Variants in ARHGAP20 observed in about 807,000 individuals in gnomAD.
The protein encoded by ARHGAP20 is Rho GTPase activating protein 20.
ARHGAP20 carries 34 observed loss-of-function variants against 73.7 expected under a neutral mutation model. The observed-to-expected ratio is 0.46, with a 90% CI of 0.35 to 0.61. The LOEUF (loss-of-function observed/expected upper bound fraction) is 0.61. ARHGAP20 is among the 20% of genes least tolerant of loss of function. The probability of loss-of-function intolerance (pLI) is 0.00; values close to 1 mark genes in which losing one functional copy is unlikely to be tolerated. For missense variants in ARHGAP20, 1,314 were observed against 1,420.9 expected (o/e 0.92, Z 1.21); for synonymous variants, 523 against 518.2 (o/e 1.01, Z -0.13).
intron 2 of ARHGAP20, among the ~76,000 whole-genome samples, chr11:110,680,652 C>T (rs1950020383): frequency 6.6e-6 from 1 of 152,080 alleles, no homozygotes; most frequent in Non-Finnish European, 1.5e-5. Context: ...AATGGATGTG[C>T]TGTTCTGTAG....
chr11:110,702,667 T>C (rs1322077606), intron 1 of ARHGAP20, among the ~76,000 whole-genome samples: 1 of 152,182 alleles, frequency 6.6e-6, no homozygotes, highest in African/African-American at 2.4e-5. Flanking sequence ...CTCCTTAAGC[T>C]GATAAGCAAC....
chr11:110,648,197 ATATATATATGTAAATATATATATG>A (rs1215186561), intron 2 of ARHGAP20, among the ~76,000 whole-genome samples: 7 of 97,446 alleles, frequency 7.2e-5, no homozygotes, highest in African/African-American at 2.0e-4. Context: ...ATGTAAATAT[ATATATATATGTAAATATATATATG>A]TATATATATA....
At chr11:110,641,864 C>G (rs1949084647) in intron 2 of ARHGAP20, among the ~76,000 whole-genome samples, 1 of 152,034 alleles carries the variant, frequency 6.6e-6, no homozygotes, top group South Asian at 2.1e-4. Context: ...TCTTCATTAT[C>G]CACTAAGTAA....
At chr11:110,711,123 G>T (rs747458121) in intron 1 of ARHGAP20, among the ~76,000 whole-genome samples, 1 of 152,096 alleles carries the variant, frequency 6.6e-6, no homozygotes, top group Non-Finnish European at 1.5e-5. Context: ...GGAGCGAAAC[G>T]GCAGAGGCCG....
At chr11:110,587,763 C>CA (rs565903380) in intron 11 of ARHGAP20, among the ~76,000 whole-genome samples, 1 of 149,346 alleles carries the variant, frequency 6.7e-6, no homozygotes, top group Non-Finnish European at 1.5e-5. Flanking sequence ...TATTACTATC[C>CA]TTTTTTTTTT....
intron 2 of ARHGAP20, among the ~76,000 whole-genome samples, chr11:110,668,592 T>A (rs888872891): frequency 1.3e-5 from 2 of 151,980 alleles, no homozygotes; most frequent in African/African-American, 4.8e-5. Flanking sequence ...GAGGATGCAG[T>A]GAACCAAGAT....
At chr11:110,700,435 C>A (rs531044847) in intron 1 of ARHGAP20, among the ~76,000 whole-genome samples, 2 of 151,998 alleles carry the variant, frequency 1.3e-5, no homozygotes, top group East Asian at 3.9e-4. Context: ...CTAGTCTGTG[C>A]AATTTCGTGA....
At chr11:110,602,559 GTTA>G in intron 9 of ARHGAP20, among the ~76,000 whole-genome samples, 1 of 152,194 alleles carries the variant, frequency 6.6e-6, no homozygotes, top group African/African-American at 2.4e-5. Flanking sequence ...TGGCTCATTT[GTTA>G]GCCAACCAAG....
At chr11:110,624,124 C>G in intron 4 of ARHGAP20, 38 bp downstream of exon 4, 1 of 1,590,840 alleles carries the variant, frequency 6.3e-7, no homozygotes. Flanking sequence ...ATCATAGTAG[C>G]TAACCCAGGT....
chr11:110,706,457 T>C (rs919486981), intron 1 of ARHGAP20, among the ~76,000 whole-genome samples: 1 of 152,198 alleles, frequency 6.6e-6, no homozygotes, highest in African/African-American at 2.4e-5. Context: ...CTTGTATTTT[T>C]ATTCAAGTTC....
At chr11:110,684,805 A>T (rs1950100366) in intron 2 of ARHGAP20, among the ~76,000 whole-genome samples, 1 of 152,202 alleles carries the variant, frequency 6.6e-6, no homozygotes, top group Non-Finnish European at 1.5e-5. Flanking sequence ...CATTATTCTA[A>T]GTAAATTAAC....
rs1179890774 is a variant in ARHGAP20 at position 110,582,369 on chromosome 11, G to A, written c.1672C>T (p.Leu558Phe). Residue 558 changes from leucine (L) to phenylalanine (F), a missense_variant, in exon 14 of 15, where the codon CTC (leucine) becomes TTC (phenylalanine). By Grantham distance (22) the Leu-to-Phe change is conservative (BLOSUM62 0). Coordinates refer to ENST00000683387, the MANE Select transcript of ARHGAP20 (RefSeq NM_001384657.1). ...CATCTCACTGAAACCTCTCTGAAGA[G>A]GGAAGTGATTTCTTCTCCAAATATC... ...LRIFGEEITS[L>F]FREVSVRCDT... 1.1e-5 allele frequency: 18 copies of A among 1,613,804 alleles called. No homozygotes were observed. Among genetic ancestry groups the A allele is most frequent in the Non-Finnish European group, 1.5e-5 (18 of 1,179,810 alleles).
At chr11:110,644,997 T>TTCTCTCTCTCTCTCTCTCTCTCTCTC (rs71476091) in intron 2 of ARHGAP20, among the ~76,000 whole-genome samples, 15 of 150,520 alleles carry the variant, frequency 1.0e-4, no homozygotes, top group East Asian at 9.8e-4. Context: ...GAACAGACAC[T>TTCTCTCTCTCTCTCTCTCTCTCTCTC]TCTCTCTCTC....
intron 4 of ARHGAP20, among the ~76,000 whole-genome samples, chr11:110,618,458 T>G (rs1211908121): frequency 1.3e-5 from 2 of 152,252 alleles, no homozygotes; most frequent in East Asian, 3.8e-4. Flanking sequence ...GGACTTCCTG[T>G]GTCTTTTGAC....
intron 2 of ARHGAP20, among the ~76,000 whole-genome samples, chr11:110,675,520 C>T (rs192419263): frequency 6.6e-6 from 1 of 152,250 alleles, no homozygotes; most frequent in Admixed American, 6.5e-5. Flanking sequence ...AGGATGGCTT[C>T]AGGATGAAAC....
At chr11:110,657,915 A>AGG in intron 2 of ARHGAP20, among the ~76,000 whole-genome samples, 1 of 126,648 alleles carries the variant, frequency 7.9e-6, no homozygotes, top group Non-Finnish European at 1.7e-5. Flanking sequence ...AAAGAAAAAG[A>AGG]GAGAGAGGAA....
rs182390660 is a variant in ARHGAP20 at position 110,630,741 on chromosome 11, C to A, written c.240G>T (p.Val80=). ...CAATCAGCAGAGTCCTATTGGAGCA[C>A]ACTAATGATGACAGAAATGTGCATG... ...VDTCTFLSSL[V]CSNRTLLIDG... Residue 80 remains valine, a synonymous_variant, in exon 3 of 15, where the codon GTG becomes GTT. Transcript: ENST00000683387. 6.2e-7 allele frequency: 1 copy of A among 1,614,078 alleles called. No individual in the cohort carries two copies. The highest frequency in any genetic ancestry group is 2.2e-5 in the East Asian group (1 of 44,880).
intron 5 of ARHGAP20, 27 bp downstream of exon 5, chr11:110,615,526 T>C (rs759505319): frequency 6.3e-7 from 1 of 1,595,958 alleles, no homozygotes; most frequent in South Asian, 1.1e-5. Flanking sequence ...AGGTTAAAGA[T>C]TAAAAATATG....
intron 2 of ARHGAP20, among the ~76,000 whole-genome samples, chr11:110,674,341 C>G (rs956400937): frequency 6.6e-6 from 1 of 152,154 alleles, no homozygotes; most frequent in African/African-American, 2.4e-5. Context: ...CTGGTAAGCA[C>G]TCCGTTTAAA....
Sources: gnomAD v4.1 joint callset for allele counts (sites outside exome capture counted in the v4.1 genomes callset) on GRCh38, gnomAD v4.1.1 for gene constraint, MANE v1.5 for transcripts, NCBI Gene and HGNC (gene_info 2026-07-23, HGNC 2026-07-21) for gene names.